Variants in BTBD9 observed in about 807,000 individuals in gnomAD.
BTBD9 encodes the protein BTB/POZ domain-containing protein 9.
A neutral mutation model predicts 64.3 loss-of-function variants in BTBD9; 49 were observed. The observed-to-expected ratio is 0.76, with a 90% CI of 0.61 to 0.97. The LOEUF (loss-of-function observed/expected upper bound fraction) is 0.97. Ranked by LOEUF, BTBD9 falls within the 50% of genes least tolerant of loss-of-function variation. BTBD9 has a pLI of 0.00. For synonymous variants in BTBD9, 260 were observed against 274.7 expected (o/e 0.95, Z 0.53); for missense variants, 598 against 762.1 (o/e 0.78, Z 2.53).
At chr6:38,484,820 G>A (rs545425102) in intron 6 of BTBD9, among the ~76,000 whole-genome samples, 107 of 152,276 alleles carry the variant, frequency 7.0e-4, no homozygotes, top group African/African-American at 2.4e-3. Context: ...CCTTTTTGCT[G>A]GTGGAGGATC....
chr6:38,339,078 G>A (rs1330737952), intron 7 of BTBD9, among the ~76,000 whole-genome samples: 1 of 152,108 alleles, frequency 6.6e-6, no homozygotes, highest in East Asian at 1.9e-4. Context: ...AATTCTATGT[G>A]CATTTACTCT....
At chr6:38,454,474 A>G (rs973483870) in intron 6 of BTBD9, among the ~76,000 whole-genome samples, 1 of 141,322 alleles carries the variant, frequency 7.1e-6, no homozygotes, top group Non-Finnish European at 1.5e-5. Context: ...TATCTTAAAT[A>G]TAGGGCCAAT....
chr6:38,280,778 C>T (rs1315366739), intron 8 of BTBD9, among the ~76,000 whole-genome samples: 3 of 152,216 alleles, frequency 2.0e-5, no homozygotes, highest in Non-Finnish European at 4.4e-5. Context: ...GATGTTGGAT[C>T]TTTAGCAGTT....
chr6:38,330,479 G>A (rs1460484543), intron 7 of BTBD9, among the ~76,000 whole-genome samples: 1 of 151,964 alleles, frequency 6.6e-6, no homozygotes, highest in East Asian at 1.9e-4. Flanking sequence ...TTAAGCCCAG[G>A]AGTTTGAGGA....
At chr6:38,207,931 G>A (rs1161126633) in intron 9 of BTBD9, among the ~76,000 whole-genome samples, 1 of 152,074 alleles carries the variant, frequency 6.6e-6, no homozygotes. Flanking sequence ...TTTGTTAAAA[G>A]TCTTGTGGTT....
chr6:38,272,663 A>G (rs77467351), intron 8 of BTBD9, among the ~76,000 whole-genome samples: 4,752 of 152,144 alleles, frequency 0.031, 265 homozygotes, highest in African/African-American at 0.11. Flanking sequence ...TCATTTTCCT[A>G]TTTTACTAGT....
intron 9 of BTBD9, among the ~76,000 whole-genome samples, chr6:38,236,964 G>A (rs1417475874): frequency 6.6e-6 from 1 of 152,196 alleles, no homozygotes; most frequent in Non-Finnish European, 1.5e-5. Flanking sequence ...CATTTTCCCT[G>A]AGCATCACTG....
chr6:38,619,305 A>G (rs574502795), intron 1 of BTBD9, among the ~76,000 whole-genome samples: 1 of 152,326 alleles, frequency 6.6e-6, no homozygotes, highest in Admixed American at 6.5e-5. Flanking sequence ...AGGGACCAAG[A>G]GGAACAGGCC....
At chr6:38,547,154 G>A (rs554092180) in intron 6 of BTBD9, among the ~76,000 whole-genome samples, 1 of 152,224 alleles carries the variant, frequency 6.6e-6, no homozygotes, top group Non-Finnish European at 1.5e-5. Context: ...CCTGAAACAT[G>A]ACAATATTGA....
chr6:38,463,877 C>T (rs1302719294), intron 6 of BTBD9, among the ~76,000 whole-genome samples: 1 of 152,024 alleles, frequency 6.6e-6, no homozygotes, highest in African/African-American at 2.4e-5. Flanking sequence ...ACAAAAAATA[C>T]AAAAATTAGC....
intron 6 of BTBD9, among the ~76,000 whole-genome samples, chr6:38,445,012 G>A (rs6899746): frequency 0.53 from 79,995 of 151,994 alleles, 21,957 homozygotes; most frequent in East Asian, 0.96. Flanking sequence ...AATTGTGAGT[G>A]GGAGTGGCAG....
In BTBD9 at chr6:38,174,155, C is replaced by G. The variant is rs2127468146; in HGVS notation, c.*830G>C. On this transcript the variant is annotated 3_prime_UTR_variant, in exon 11 of 11. Coordinates refer to ENST00000481247, the MANE Select transcript of BTBD9 (RefSeq NM_001099272.2). ...CATGGACTTCGGAACAGTGAATTAGCAGCGGGCATAGTAACTATTTCCTTG... is the reference window on the plus strand; with the variant it reads ...CATGGACTTCGGAACAGTGAATTAGGAGCGGGCATAGTAACTATTTCCTTG... 6.6e-6 allele frequency: 1 copy of G among 152,382 alleles called. No individual in the cohort carries two copies. Among genetic ancestry groups the G allele is most frequent in the African/African-American group, 2.4e-5 (1 of 41,588 alleles). 9.4% of individuals were successfully genotyped at this position (152,382 alleles called of 1,614,324 possible).
chr6:38,577,387 T>C (rs955104214), intron 6 of BTBD9, among the ~76,000 whole-genome samples: 5 of 152,250 alleles, frequency 3.3e-5, no homozygotes, highest in African/African-American at 4.8e-5. Context: ...ATACATATTA[T>C]ACAAGACATG....
intron 6 of BTBD9, among the ~76,000 whole-genome samples, chr6:38,398,864 T>C (rs1034886041): frequency 4.6e-5 from 7 of 152,212 alleles, no homozygotes; most frequent in African/African-American, 7.2e-5. Context: ...TGTGGAGATA[T>C]ACACTCCCTG....
chr6:38,229,363 G>A (rs1183457741), intron 9 of BTBD9, among the ~76,000 whole-genome samples: 1 of 152,198 alleles, frequency 6.6e-6, no homozygotes, highest in Non-Finnish European at 1.5e-5. Flanking sequence ...TTAACAGAAT[G>A]TAGGTTCTCA....
chr6:38,204,415 T>C (rs543796044), intron 9 of BTBD9, among the ~76,000 whole-genome samples: 11 of 152,264 alleles, frequency 7.2e-5, no homozygotes, highest in African/African-American at 2.6e-4. Context: ...ACGCTATTAA[T>C]ATAATATGAT....
intron 6 of BTBD9, among the ~76,000 whole-genome samples, chr6:38,534,652 C>A (rs762347286): frequency 6.6e-6 from 1 of 151,806 alleles, no homozygotes; most frequent in South Asian, 2.1e-4. Context: ...AGGAATTGAA[C>A]AAAACATTAA....
At chr6:38,447,828 T>C (rs1326876698) in intron 6 of BTBD9, among the ~76,000 whole-genome samples, 1 of 152,224 alleles carries the variant, frequency 6.6e-6, no homozygotes, top group Non-Finnish European at 1.5e-5. Flanking sequence ...ACATGATTGA[T>C]ATTTAAGCTT....
chr6:38,629,922 A>T (rs1281872704), intron 1 of BTBD9, among the ~76,000 whole-genome samples: 5 of 151,926 alleles, frequency 3.3e-5, no homozygotes, highest in Non-Finnish European at 7.4e-5. Context: ...ATTAAAGGAG[A>T]CCAGGCCAGG....
Sources: allele counts gnomAD v4.1 joint callset (sites outside exome capture counted in the v4.1 genomes callset), GRCh38; gene constraint gnomAD v4.1.1; transcripts MANE v1.5; gene names NCBI Gene and HGNC (gene_info 2026-07-23, HGNC 2026-07-21).